ZHX2: variants seen among roughly 807,000 people sequenced by gnomAD.
The protein encoded by ZHX2 is zinc fingers and homeoboxes protein 2.
Under a neutral mutation model 21.9 loss-of-function variants are expected in ZHX2, and 6 were observed. That is an observed-to-expected ratio of 0.27 (90% CI 0.15 to 0.54). ZHX2 has a LOEUF of 0.54. Among genes scored for constraint, ZHX2 ranks in the 20% least tolerant of loss-of-function variants. ZHX2 has a pLI of 0.95. For missense variants in ZHX2, 908 were observed against 1,090.7 expected (o/e 0.83, Z 2.36); for synonymous variants, 434 against 437.1 (o/e 0.99, Z 0.09).
At chr8:122,947,092 C>CAAAAA (rs57090731) in intron 2 of ZHX2, among the ~76,000 whole-genome samples, 1,107 of 66,794 alleles carry the variant, frequency 0.017, 37 homozygotes, top group Non-Finnish European at 0.024. Flanking sequence ...CCTGTCTTTG[C>CAAAAA]AAAAAAAAAA....
intron 1 of ZHX2, among the ~76,000 whole-genome samples, chr8:122,847,346 C>T (rs1402868989): frequency 1.3e-5 from 2 of 152,212 alleles, no homozygotes; most frequent in Non-Finnish European, 2.9e-5. Context: ...TCCTCCCCGC[C>T]CTGCCTCCTG....
chr8:122,788,164 A>G (rs1817436965), intron 1 of ZHX2, among the ~76,000 whole-genome samples: 1 of 152,202 alleles, frequency 6.6e-6, no homozygotes, highest in Non-Finnish European at 1.5e-5. Context: ...GTAAGCACCT[A>G]CTATGTGCTA....
intron 2 of ZHX2, among the ~76,000 whole-genome samples, chr8:122,921,070 GTTTTGT>G (rs1563584607): frequency 6.6e-6 from 1 of 151,620 alleles, no homozygotes; most frequent in Non-Finnish European, 1.5e-5. Flanking sequence ...TTTTTTTTTG[GTTTTGT>G]TTTTGTTTTT....
At chr8:122,831,748 A>G (rs1369912792) in intron 1 of ZHX2, among the ~76,000 whole-genome samples, 1 of 152,206 alleles carries the variant, frequency 6.6e-6, no homozygotes, top group Non-Finnish European at 1.5e-5. Context: ...TGAGAGAGCC[A>G]TTTATGGCAG....
At chr8:122,898,880 A>C (rs1276608722) in intron 2 of ZHX2, among the ~76,000 whole-genome samples, 2 of 152,208 alleles carry the variant, frequency 1.3e-5, no homozygotes, top group Non-Finnish European at 2.9e-5. Context: ...CCAGCCCCCA[A>C]GTCTGCCCTT....
At chr8:122,939,754 G>A (rs1376700826) in intron 2 of ZHX2, among the ~76,000 whole-genome samples, 1 of 152,172 alleles carries the variant, frequency 6.6e-6, no homozygotes, top group African/African-American at 2.4e-5. Flanking sequence ...CAAAAGATGA[G>A]TAAGAAAAAA....
chr8:122,791,319 G>A (rs1316381478), intron 1 of ZHX2, among the ~76,000 whole-genome samples: 1 of 152,176 alleles, frequency 6.6e-6, no homozygotes, highest in Non-Finnish European at 1.5e-5. Flanking sequence ...ACAGATCTTT[G>A]GAATCCAAGA....
chr8:122,836,308 C>T (rs1011151829), intron 1 of ZHX2, among the ~76,000 whole-genome samples: 1 of 152,116 alleles, frequency 6.6e-6, no homozygotes, highest in Non-Finnish European at 1.5e-5. Context: ...TACCAGTAGG[C>T]GAGATCAGTG....
chr8:122,781,223 C>T (rs1043167186), upstream of ZHX2, among the ~76,000 whole-genome samples: 1 of 152,242 alleles, frequency 6.6e-6, no homozygotes, highest in Non-Finnish European at 1.5e-5. This position sits in a 1 kb window ranked among gnomAD's most constrained non-coding sequence, Gnocchi z 4.6. Flanking sequence ...CCTGCAAGCG[C>T]GCCCTTCGGT....
intron 1 of ZHX2, among the ~76,000 whole-genome samples, chr8:122,847,380 T>A (rs183710427): frequency 1.1e-4 from 17 of 152,326 alleles, no homozygotes; most frequent in Admixed American, 1.0e-3. Flanking sequence ...TCCCTCTGCC[T>A]GTCACCTTCC....
intron 1 of ZHX2, among the ~76,000 whole-genome samples, chr8:122,799,646 C>T (rs376357039): frequency 3.2e-4 from 49 of 152,226 alleles, no homozygotes; most frequent in East Asian, 1.2e-3. Context: ...TAGCTCTTAG[C>T]CTGCTGATAA....
At chr8:122,961,046 A>G (rs771998441) in intron 3 of ZHX2, among the ~76,000 whole-genome samples, 9 of 152,254 alleles carry the variant, frequency 5.9e-5, no homozygotes, top group Non-Finnish European at 1.2e-4. Context: ...TAGTCAGCTA[A>G]GGCTGCCAGA....
chr8:122,837,056 A>AC (rs1818519126), intron 1 of ZHX2, among the ~76,000 whole-genome samples: 1 of 152,132 alleles, frequency 6.6e-6, no homozygotes, highest in Non-Finnish European at 1.5e-5. Context: ...CTACACTCCC[A>AC]CCAGCATCAT....
rs539104955 is a variant in ZHX2, at chr8:122,795,494, T to A, written c.-283+13548T>A. Among the ~76,000 whole-genome samples, 11 of 152,316 alleles carry A rather than the reference T, an allele frequency of 7.2e-5. No individual in the cohort carries two copies. The South Asian group carries it at 2.1e-3, about 29-fold the overall frequency. The stretch of plus-strand genomic sequence containing the variant: ...CATCTCCACCTTCCTTTGTGGCACA[T>A]AGAGCAATATCACAACTGTCCTTGC... On this transcript the variant is annotated intron_variant, in intron 1 of 3. Transcript: ENST00000314393.
At chr8:122,915,910 C>T (rs1820588064) in intron 2 of ZHX2, among the ~76,000 whole-genome samples, 1 of 152,198 alleles carries the variant, frequency 6.6e-6, no homozygotes, top group South Asian at 2.1e-4. Flanking sequence ...AGCTCTCCAG[C>T]TCTTCCTAAA....
chr8:122,846,545 G>C (rs1486297966), intron 1 of ZHX2, among the ~76,000 whole-genome samples: 1 of 136,038 alleles, frequency 7.4e-6, no homozygotes, highest in Non-Finnish European at 1.6e-5. Flanking sequence ...TTCAGACTTT[G>C]TGTATTTTTT....
chr8:122,952,494 G>C lies in ZHX2; in HGVS notation c.984G>C (p.Glu328Asp). 6.2e-7 allele frequency: 1 copy of C among 1,614,156 alleles called. No homozygotes were observed. The highest frequency in any genetic ancestry group is 8.5e-7 in the Non-Finnish European group (1 of 1,180,026). ...GISWSPEEVE[E>D]ARKKMFNGTI... ...GCTGGTCCCCAGAAGAGGTGGAGGA[G>C]GCCCGGAAGAAGATGTTCAACGGCA... Residue 328 changes from glutamate (E) to aspartate (D), a missense_variant, in exon 3 of 4, where the codon GAG (glutamate) becomes GAC (aspartate). Physicochemically the swap from Glu to Asp is conservative, Grantham distance 45. Coordinates refer to ENST00000314393, the MANE Select transcript of ZHX2 (RefSeq NM_014943.5). This position sits in a 1 kb window ranked among gnomAD's most constrained non-coding sequence, Gnocchi z 6.9.
rs182866817 is a variant in ZHX2 at position 122,938,574 on chromosome 8, C to G, written c.-219-12718C>G. Among the ~76,000 whole-genome samples the G allele has an allele frequency of 4.1e-3, 622 of 152,178 alleles. 1 individual carries two copies. The highest frequency in any genetic ancestry group is 6.4e-3 in the South Asian group (31 of 4,814). ...CTGAGGGGCCGGGCACAGTGGCTCA[C>G]ACCTGTAATCCCAGCACTTTGGGAG... On this transcript the variant is annotated intron_variant, in intron 2 of 3. Coordinates refer to ENST00000314393, the MANE Select transcript of ZHX2 (RefSeq NM_014943.5).
intron 2 of ZHX2, among the ~76,000 whole-genome samples, chr8:122,885,236 G>T (rs1393969204): frequency 6.6e-6 from 1 of 152,222 alleles, no homozygotes; most frequent in Non-Finnish European, 1.5e-5. Context: ...CTGGATTGCA[G>T]TCAGGAGACA....
Sources: allele counts gnomAD v4.1 joint callset (sites outside exome capture counted in the v4.1 genomes callset), GRCh38; gene constraint gnomAD v4.1.1; non-coding constraint Gnocchi (gnomAD v3.1); transcripts MANE v1.5; gene names NCBI Gene and HGNC (gene_info 2026-07-23, HGNC 2026-07-21).